The following TSPAN9 variants were observed in gnomAD, a reference collection of about 807,000 sequenced individuals.
TSPAN9 encodes tetraspanin-9.
In TSPAN9, 16 loss-of-function variants were observed where a neutral mutation model predicts 31.0. The observed-to-expected ratio is 0.52, with a 90% CI of 0.35 to 0.78. The LOEUF (loss-of-function observed/expected upper bound fraction) is 0.78. TSPAN9 is among the 30% of genes least tolerant of loss of function. The pLI is 0.01. For synonymous variants in TSPAN9, 145 were observed against 121.6 expected (o/e 1.19, Z -1.27); for missense variants, 272 against 312.5 (o/e 0.87, Z 0.98).
chr12:3,136,949 C>T (rs1241506425), intron 2 of TSPAN9, among the ~76,000 whole-genome samples: 2 of 152,198 alleles, frequency 1.3e-5, no homozygotes, highest in Non-Finnish European at 1.5e-5. Context: ...ACCCCTGCCC[C>T]GTCCAGTCCT....
chr12:3,112,111 G>A (rs767580519), intron 2 of TSPAN9, among the ~76,000 whole-genome samples: 1 of 150,940 alleles, frequency 6.6e-6, no homozygotes, highest in East Asian at 1.9e-4. Context: ...CAATTTATTG[G>A]CATCTAGTTG....
intron 2 of TSPAN9, among the ~76,000 whole-genome samples, chr12:3,138,612 G>A (rs1008532726): frequency 4.7e-5 from 7 of 149,466 alleles, no homozygotes; most frequent in African/African-American, 1.5e-4. Flanking sequence ...CTATAGGCAC[G>A]TGCCACCATA....
At chr12:3,134,071 G>A (rs539691568) in intron 2 of TSPAN9, among the ~76,000 whole-genome samples, 57 of 152,314 alleles carry the variant, frequency 3.7e-4, no homozygotes, top group African/African-American at 1.1e-3. Context: ...ATCTTGCAGG[G>A]TGTCAGGCTC....
At chr12:3,223,462 C>T (rs879098344) in intron 3 of TSPAN9, among the ~76,000 whole-genome samples, 2 of 152,240 alleles carry the variant, frequency 1.3e-5, no homozygotes, top group Admixed American at 1.3e-4. Context: ...CCAACCCTCC[C>T]TGGCTTTTGT....
chr12:3,208,875 C>T (rs745761803), intron 3 of TSPAN9, among the ~76,000 whole-genome samples: 8 of 152,148 alleles, frequency 5.3e-5, no homozygotes, highest in South Asian at 2.1e-4. Flanking sequence ...TTCTTAAACA[C>T]GGCATCATTT....
chr12:3,128,857 A>G (rs1431602761), intron 2 of TSPAN9, among the ~76,000 whole-genome samples: 1 of 152,162 alleles, frequency 6.6e-6, no homozygotes, highest in East Asian at 1.9e-4. Flanking sequence ...TCATCACACT[A>G]TCTCTTTTCA....
intron 3 of TSPAN9, among the ~76,000 whole-genome samples, chr12:3,270,145 C>T (rs554649044): frequency 2.6e-4 from 39 of 152,320 alleles, no homozygotes; most frequent in Non-Finnish European, 4.9e-4. Context: ...CATGCCTCTA[C>T]CTTCTTTTCC....
chr12:3,104,819 G>A (rs1156763719), intron 2 of TSPAN9, among the ~76,000 whole-genome samples: 1 of 152,266 alleles, frequency 6.6e-6, no homozygotes, highest in Non-Finnish European at 1.5e-5. Flanking sequence ...AGGTGGTGGA[G>A]CCAGCTGTCA....
intron 3 of TSPAN9, among the ~76,000 whole-genome samples, chr12:3,205,716 A>AG (rs1471409316): frequency 1.1e-4 from 5 of 44,978 alleles, no homozygotes; most frequent in Middle Eastern, 0.011. Flanking sequence ...AGAGGCACTT[A>AG]GGCCCCCCCC....
At chr12:3,260,741 G>C (rs574999654) in intron 3 of TSPAN9, among the ~76,000 whole-genome samples, 43 of 152,334 alleles carry the variant, frequency 2.8e-4, no homozygotes, top group Non-Finnish European at 5.4e-4. Context: ...CAGGGAGGGC[G>C]CAGGCCATGG....
intron 2 of TSPAN9, among the ~76,000 whole-genome samples, chr12:3,116,749 G>A (rs1293552756): frequency 6.6e-6 from 1 of 152,172 alleles, no homozygotes; most frequent in Non-Finnish European, 1.5e-5. Context: ...CAGAGCCCGG[G>A]AGCGCGCGCC....
rs1405455148 is a variant in TSPAN9, at chr12:3,198,532, GCCA to G, written c.-17-2638_-17-2636del. Among the ~76,000 whole-genome samples the G allele has an allele frequency of 1.1e-4, 12 of 104,684 alleles. 1 individual carries two copies. The highest frequency in any genetic ancestry group is 5.3e-4 in the African/African-American group (12 of 22,674). The allele number at this position is 104,684 out of a possible 152,430, so 68.7% of individuals were successfully genotyped here. A position where few individuals can be genotyped will look rare whatever the true frequency, so the allele number is the denominator to read the frequency against. On this transcript the variant is annotated intron_variant, in intron 2 of 8. Coordinates refer to ENST00000011898, the MANE Select transcript of TSPAN9 (RefSeq NM_006675.5). ...ACCAGCACAGGTCACACCAGCACAGGCCACCACCAGCACAGGCCACCACCAGCA... is the reference window on the plus strand; with the variant it reads ...ACCAGCACAGGTCACACCAGCACAGGCCACCAGCACAGGCCACCACCAGCA...
intron 2 of TSPAN9, 76 bp from the exon 3 acceptor site, chr12:3,201,101 A>C: frequency 1.5e-6 from 2 of 1,368,824 alleles, no homozygotes; most frequent in Non-Finnish European, 2.1e-6. Flanking sequence ...CGGCGTTAAG[A>C]CCGACAAGTG....
intron 2 of TSPAN9, among the ~76,000 whole-genome samples, chr12:3,186,083 C>T (rs752653121): frequency 2.0e-5 from 3 of 152,138 alleles, no homozygotes; most frequent in Non-Finnish European, 4.4e-5. Context: ...TCACAGATGT[C>T]AGGGCCAGGG....
At chr12:3,118,837 C>T (rs1251319763) in intron 2 of TSPAN9, among the ~76,000 whole-genome samples, 1 of 152,188 alleles carries the variant, frequency 6.6e-6, no homozygotes, top group Non-Finnish European at 1.5e-5. Context: ...TCCTTTTCTT[C>T]CCTCCGGCCC....
chr12:3,246,781 C>T (rs644411), intron 3 of TSPAN9, among the ~76,000 whole-genome samples: 131,386 of 151,928 alleles, frequency 0.86, 58,440 homozygotes, highest in Non-Finnish European at 0.98. Flanking sequence ...GAATACCGCC[C>T]CACCATCCCA....
chr12:3,179,770 C>A (rs1344747361), intron 2 of TSPAN9, among the ~76,000 whole-genome samples: 1 of 152,160 alleles, frequency 6.6e-6, no homozygotes, highest in East Asian at 1.9e-4. Context: ...CGATTCTCCC[C>A]ATTTTGCAGG....
chr12:3,241,457 T>A (rs1288288187), intron 3 of TSPAN9, among the ~76,000 whole-genome samples: 1 of 152,240 alleles, frequency 6.6e-6, no homozygotes, highest in Non-Finnish European at 1.5e-5. Flanking sequence ...TGTGTCAATA[T>A]AATTTTAGGT....
chr12:3,159,561 G>A (rs554535595), intron 2 of TSPAN9, among the ~76,000 whole-genome samples: 1 of 152,208 alleles, frequency 6.6e-6, no homozygotes, highest in African/African-American at 2.4e-5. Flanking sequence ...ACCATGACTG[G>A]TGCCGTTATA....
Sources: gnomAD v4.1 joint callset for allele counts (sites outside exome capture counted in the v4.1 genomes callset) on GRCh38, gnomAD v4.1.1 for gene constraint, MANE v1.5 for transcripts, NCBI Gene and HGNC (gene_info 2026-07-23, HGNC 2026-07-21) for gene names.